TLK2: variants seen among roughly 807,000 people sequenced by gnomAD.
TLK2 encodes the protein tousled like kinase 2.
A neutral mutation model predicts 117.3 loss-of-function variants in TLK2; 6 were observed. That is an observed-to-expected ratio of 0.05 (90% confidence interval 0.03 to 0.10). TLK2 has a LOEUF of 0.10. TLK2 is among the 10% of genes least tolerant of loss of function. The pLI, the probability that TLK2 is intolerant of heterozygous loss-of-function variation, is 1.00. For missense variants in TLK2, 299 were observed against 901.2 expected (o/e 0.33, Z 8.56); for synonymous variants, 257 against 316.7 (o/e 0.81, Z 2.00).
chr17:62,538,219 T>C (rs2145876772), intron 7 of TLK2, among the ~76,000 whole-genome samples: 1 of 151,862 alleles, frequency 6.6e-6, no homozygotes, highest in Admixed American at 6.6e-5. Flanking sequence ...GTATTTTTAT[T>C]AGAGATGGGG....
At chr17:62,594,068 C>T (rs2082277859) in intron 16 of TLK2, among the ~76,000 whole-genome samples, 2 of 151,078 alleles carry the variant, frequency 1.3e-5, no homozygotes, top group Non-Finnish European at 3.0e-5. Flanking sequence ...GCTGGGATTA[C>T]AGCCGTTAGC....
chr17:62,508,188 G>C (rs371369797), intron 2 of TLK2, among the ~76,000 whole-genome samples: 3 of 31,480 alleles, frequency 9.5e-5, no homozygotes, highest in South Asian at 1.1e-3. Context: ...TTTTTTTTTT[G>C]AGTCTGTGGG....
intron 2 of TLK2, among the ~76,000 whole-genome samples, chr17:62,507,747 C>T (rs1419367704): frequency 6.6e-6 from 1 of 152,040 alleles, no homozygotes; most frequent in Non-Finnish European, 1.5e-5. Context: ...TATGAGCCTC[C>T]TTCGTGGTGC....
intron 2 of TLK2, among the ~76,000 whole-genome samples, chr17:62,505,241 T>A (rs2074571047): frequency 6.6e-6 from 1 of 152,076 alleles, no homozygotes; most frequent in African/African-American, 2.4e-5. Flanking sequence ...GTTTTATTTC[T>A]TATTTTAAAA....
chr17:62,495,109 G>A (rs1442867963), intron 2 of TLK2, among the ~76,000 whole-genome samples: 1 of 151,998 alleles, frequency 6.6e-6, no homozygotes, highest in East Asian at 2.0e-4. Context: ...GGAGGTTGCT[G>A]TGAGCCAAGA....
chr17:62,532,048 C>A (rs546122607), intron 6 of TLK2, among the ~76,000 whole-genome samples: 1 of 152,312 alleles, frequency 6.6e-6, no homozygotes, highest in South Asian at 2.1e-4. Flanking sequence ...TCAAGATCTG[C>A]AAGTGCCCTT....
intron 2 of TLK2, chr17:62,516,595 A>C (rs1467943957): frequency 5.0e-6 from 8 of 1,610,200 alleles, no homozygotes; most frequent in Non-Finnish European, 6.8e-6. Context: ...GTGTTCTTTC[A>C]CGTAGCCTCG....
At chr17:62,491,494 T>C (rs2073106305) in intron 2 of TLK2, among the ~76,000 whole-genome samples, 1 of 152,230 alleles carries the variant, frequency 6.6e-6, no homozygotes, top group Non-Finnish European at 1.5e-5. Context: ...CCTGGTGGTA[T>C]GTTTCACTTG....
At chr17:62,539,443 C>T (rs1444161217) in intron 7 of TLK2, among the ~76,000 whole-genome samples, 6 of 148,932 alleles carry the variant, frequency 4.0e-5, no homozygotes, top group African/African-American at 1.5e-4. Context: ...ACTCATTTAT[C>T]TACCTTCATT....
chr17:62,596,028 G>A (rs546079548), intron 16 of TLK2, among the ~76,000 whole-genome samples: 3 of 152,242 alleles, frequency 2.0e-5, no homozygotes, highest in African/African-American at 7.2e-5. Context: ...TGAAAGGGAT[G>A]AAAAGGGTTG....
chr17:62,534,647 T>G (rs550830318), intron 6 of TLK2, among the ~76,000 whole-genome samples: 358 of 152,172 alleles, frequency 2.4e-3, no homozygotes, highest in African/African-American at 7.9e-3. Context: ...TTGTGAATGG[T>G]TATATCATCC....
At position 62,604,462 on chromosome 17, in the gene TLK2, C is replaced by G. The variant is rs1464792634; in HGVS notation, c.1860-1668C>G. 6.6e-5 allele frequency among the ~76,000 whole-genome samples: 10 copies of G among 152,146 alleles called. No homozygotes were observed. In the East Asian group the frequency reaches 1.9e-3, roughly 29 times the overall value. ...GTATCATAGAGCTGTCTTTTACTCT[C>G]CTCTCAAAATCCTTGATAGTAAGTT... On this transcript the variant is annotated intron_variant, in intron 19 of 21. Coordinates refer to ENST00000346027, the MANE Select transcript of TLK2 (RefSeq NM_006852.6).
chr17:62,479,507 G>A (rs917225697), intron 1 of TLK2, among the ~76,000 whole-genome samples: 15 of 152,080 alleles, frequency 9.9e-5, no homozygotes, highest in African/African-American at 3.6e-4. Context: ...CCCCGGCCTG[G>A]GATTGGGGCC....
Position 62,564,769 on chromosome 17 carries a change from G to A in TLK2, c.832-232G>A, listed in dbSNP as rs375556211. On this transcript the variant is annotated intron_variant, in intron 10 of 21. Transcript: ENST00000346027. The stretch of plus-strand genomic sequence containing the variant: ...AAAAAACCCCACACACACATAGGCA[G>A]ATTGGGAAAGCTTTACCTGTGAAGA... 1.7e-4 allele frequency among the ~76,000 whole-genome samples: 26 copies of A among 152,002 alleles called. 2 individuals carry two copies. In the East Asian group the frequency reaches 2.9e-3, roughly 17 times the overall value.
intron 7 of TLK2, among the ~76,000 whole-genome samples, chr17:62,541,786 A>G (rs2077553419): frequency 6.6e-6 from 1 of 151,832 alleles, no homozygotes; most frequent in South Asian, 2.1e-4. Context: ...CAGTAGCTGC[A>G]GCTAGAGATT....
chr17:62,475,942 G>T (rs977262190), upstream of TLK2, among the ~76,000 whole-genome samples: 1 of 151,804 alleles, frequency 6.6e-6, no homozygotes, highest in Non-Finnish European at 1.5e-5. Context: ...TTACAGGCGT[G>T]AGCCACCGCT....
intron 11 of TLK2, 62 bp downstream of exon 11, chr17:62,565,199 C>A: frequency 6.4e-7 from 1 of 1,557,676 alleles, no homozygotes; most frequent in Non-Finnish European, 8.7e-7. Flanking sequence ...TTTAGGTTTT[C>A]TGTAATTGTA....
intron 6 of TLK2, among the ~76,000 whole-genome samples, chr17:62,525,117 T>C (rs561767488): frequency 1.3e-5 from 2 of 152,330 alleles, no homozygotes; most frequent in African/African-American, 4.8e-5. Flanking sequence ...TACTCAAGAG[T>C]GTGCTCTATC....
chr17:62,531,361 AT>A (rs2145741612), intron 6 of TLK2, among the ~76,000 whole-genome samples: 1 of 152,006 alleles, frequency 6.6e-6, no homozygotes, highest in East Asian at 1.9e-4. Flanking sequence ...CTAATTTGCT[AT>A]TAGCTCTATT....
Sources: allele counts gnomAD v4.1 joint callset (sites outside exome capture counted in the v4.1 genomes callset), GRCh38; gene constraint gnomAD v4.1.1; transcripts MANE v1.5; gene names NCBI Gene and HGNC (gene_info 2026-07-23, HGNC 2026-07-21).